Variants in GPC6 observed in about 807,000 individuals in gnomAD.
GPC6 encodes the protein glypican 6, also known as glypican-6.
GPC6 carries 14 observed loss-of-function variants against 55.2 expected under a neutral mutation model. That is an observed-to-expected ratio of 0.25 (90% CI 0.17 to 0.40). The LOEUF (loss-of-function observed/expected upper bound fraction) is 0.40, where lower values mean the gene tolerates loss of function less well. Ranked by LOEUF, GPC6 falls within the 10% of genes least tolerant of loss-of-function variation. GPC6 has a pLI of 1.00. For synonymous variants in GPC6, 278 were observed against 259.6 expected (o/e 1.07, Z -0.68); for missense variants, 641 against 708.5 (o/e 0.90, Z 1.08).
intron 1 of GPC6, among the ~76,000 whole-genome samples, chr13:93,517,894 C>G (rs1881260755): frequency 6.6e-6 from 1 of 152,050 alleles, no homozygotes; most frequent in East Asian, 1.9e-4. Context: ...TGCTTAAAAT[C>G]AGTGGCTATT....
At chr13:93,938,666 A>G (rs1878565496) in intron 3 of GPC6, among the ~76,000 whole-genome samples, 1 of 152,236 alleles carries the variant, frequency 6.6e-6, no homozygotes, top group Non-Finnish European at 1.5e-5. Context: ...TTTGGAGGTT[A>G]TAAAGGTGAC....
chr13:93,597,458 C>T (rs79130951), intron 2 of GPC6, among the ~76,000 whole-genome samples: 3,554 of 152,236 alleles, frequency 0.023, 128 homozygotes, highest in African/African-American at 0.077. Flanking sequence ...AGCTGTCTGA[C>T]TGGAACCTGG....
intron 2 of GPC6, among the ~76,000 whole-genome samples, chr13:93,630,919 G>T (rs1446555903): frequency 1.3e-5 from 2 of 152,050 alleles, no homozygotes; most frequent in Non-Finnish European, 2.9e-5. Flanking sequence ...GCCCTTTAAA[G>T]AAGTGATTAA....
chr13:94,175,983 G>GC (rs1461384303), intron 4 of GPC6, among the ~76,000 whole-genome samples: 2 of 146,588 alleles, frequency 1.4e-5, no homozygotes, highest in African/African-American at 5.0e-5. Context: ...GAGAGAGAGA[G>GC]AGAGAGAGAG....
At chr13:93,468,916 TTTTG>T (rs1177048568) in intron 1 of GPC6, among the ~76,000 whole-genome samples, 3 of 152,262 alleles carry the variant, frequency 2.0e-5, no homozygotes, top group South Asian at 2.1e-4. Context: ...ACTGTGGGTT[TTTTG>T]TTTGTTTGTT....
intron 6 of GPC6, among the ~76,000 whole-genome samples, chr13:94,327,210 G>C (rs546797276): frequency 6.6e-6 from 1 of 152,304 alleles, no homozygotes; most frequent in East Asian, 1.9e-4. Context: ...TCACGTAGCT[G>C]TAACGGTTTT....
At chr13:93,591,332 C>T (rs113742299) in intron 2 of GPC6, among the ~76,000 whole-genome samples, 4,220 of 152,006 alleles carry the variant, frequency 0.028, 95 homozygotes, top group Non-Finnish European at 0.043. Flanking sequence ...GGCATGGTGG[C>T]GGACGCCTGT....
chr13:93,597,920 C>T (rs972229047), intron 2 of GPC6, among the ~76,000 whole-genome samples: 8 of 151,930 alleles, frequency 5.3e-5, no homozygotes, highest in Admixed American at 2.6e-4. Flanking sequence ...CCGAGGCAGG[C>T]GGACCAGGAG....
chr13:93,977,652 T>C (rs1245791318), intron 3 of GPC6, among the ~76,000 whole-genome samples: 3 of 152,104 alleles, frequency 2.0e-5, no homozygotes, highest in Non-Finnish European at 4.4e-5. Flanking sequence ...GTTAATGATT[T>C]GTGGTTCAGA....
rs184202973 is a variant in GPC6, at chr13:93,903,650, T to C, written c.711+73105T>C. 7.9e-4 allele frequency among the ~76,000 whole-genome samples: 121 copies of C among 152,268 alleles called. 1 individual carries two copies. The highest frequency in any genetic ancestry group is 2.7e-3 in the African/African-American group (114 of 41,564). ...GAGCCTGTGCTGCTTATCTGTAAAA[T>C]TGGAGATTATCAATACAAACAATAT... is the stretch of plus-strand genomic sequence containing the variant. On this transcript the variant is annotated intron_variant, in intron 3 of 8. Transcript: ENST00000377047.
At chr13:93,605,829 G>A (rs1183646501) in intron 2 of GPC6, among the ~76,000 whole-genome samples, 4 of 137,142 alleles carry the variant, frequency 2.9e-5, no homozygotes, top group Non-Finnish European at 4.6e-5. Flanking sequence ...GTGACAGAGC[G>A]AGACCGTCTC....
At chr13:93,707,372 A>T (rs1882888985) in intron 2 of GPC6, among the ~76,000 whole-genome samples, 1 of 151,770 alleles carries the variant, frequency 6.6e-6, no homozygotes, top group Non-Finnish European at 1.5e-5. Context: ...AAGTTAAAAT[A>T]AAAATTTTAA....
At chr13:93,348,308 G>A (rs1880499728) in intron 1 of GPC6, among the ~76,000 whole-genome samples, 1 of 152,152 alleles carries the variant, frequency 6.6e-6, no homozygotes, top group Non-Finnish European at 1.5e-5. Flanking sequence ...AGAGACTCAA[G>A]TTTGAGAATT....
At chr13:93,608,046 TC>T in intron 2 of GPC6, among the ~76,000 whole-genome samples, 1 of 147,344 alleles carries the variant, frequency 6.8e-6, no homozygotes, top group African/African-American at 2.5e-5. Context: ...TATTTTTTTT[TC>T]TAGTATCACT....
intron 2 of GPC6, among the ~76,000 whole-genome samples, chr13:93,548,556 T>G (rs1566417775): frequency 6.6e-6 from 1 of 152,196 alleles, no homozygotes; most frequent in Non-Finnish European, 1.5e-5. Context: ...TACGGTTAAC[T>G]TAAAACCATA....
chr13:94,091,826 C>T (rs961661463), intron 4 of GPC6, among the ~76,000 whole-genome samples: 2 of 151,598 alleles, frequency 1.3e-5, no homozygotes, highest in Admixed American at 6.6e-5. Flanking sequence ...AGAGTCATAA[C>T]CCCTTTTAAT....
At chr13:94,108,587 TC>T (rs1171354065) in intron 4 of GPC6, among the ~76,000 whole-genome samples, 1 of 152,160 alleles carries the variant, frequency 6.6e-6, no homozygotes, top group Non-Finnish European at 1.5e-5. Flanking sequence ...ACGCTTTTAA[TC>T]CCAGCACTTT....
intron 4 of GPC6, among the ~76,000 whole-genome samples, chr13:94,208,304 G>GT (rs1000368647): frequency 5.9e-5 from 9 of 152,152 alleles, no homozygotes; most frequent in African/African-American, 1.9e-4. Flanking sequence ...TGAAGTGGGC[G>GT]TAAGTGCCTA....
intron 1 of GPC6, among the ~76,000 whole-genome samples, chr13:93,364,549 C>T (rs1262157260): frequency 6.6e-6 from 1 of 151,706 alleles, no homozygotes; most frequent in African/African-American, 2.4e-5. Flanking sequence ...TATTTTTAAT[C>T]CATAAGCAGT....
Sources: gnomAD v4.1 joint callset for allele counts (sites outside exome capture counted in the v4.1 genomes callset) on GRCh38, gnomAD v4.1.1 for gene constraint, MANE v1.5 for transcripts, NCBI Gene and HGNC (gene_info 2026-07-23, HGNC 2026-07-21) for gene names.